Variants in ZNF385D observed in about 807,000 individuals in gnomAD.
ZNF385D encodes zinc finger protein 385D.
Under a neutral mutation model 35.8 loss-of-function variants are expected in ZNF385D, and 15 were observed. The ratio of observed to expected loss-of-function variants is 0.42; its 90% CI spans 0.28 to 0.64. The LOEUF is 0.64. Among genes scored for constraint, ZNF385D ranks in the 30% least tolerant of loss-of-function variants. The pLI, the probability that ZNF385D is intolerant of heterozygous loss-of-function variation, is 0.23. For synonymous variants in ZNF385D, 212 were observed against 186.8 expected (o/e 1.13, Z -1.10); for missense variants, 474 against 494.6 (o/e 0.96, Z 0.39).
At chr3:21,573,432 A>G (rs1230103741) in intron 2 of ZNF385D, among the ~76,000 whole-genome samples, 1 of 152,214 alleles carries the variant, frequency 6.6e-6, no homozygotes, top group East Asian at 1.9e-4. Flanking sequence ...CTTGGGAAAA[A>G]TGGAGAAAAA....
intron 1 of ZNF385D, among the ~76,000 whole-genome samples, chr3:21,720,798 T>A (rs2068508869): frequency 6.6e-6 from 1 of 152,196 alleles, no homozygotes; most frequent in East Asian, 1.9e-4. Flanking sequence ...TCCTCTGGCA[T>A]TTAATTTAAA....
chr3:21,689,460 C>G (rs1244039777), intron 1 of ZNF385D, among the ~76,000 whole-genome samples: 2 of 152,116 alleles, frequency 1.3e-5, no homozygotes, highest in Non-Finnish European at 2.9e-5. Context: ...TCTTTAGCAA[C>G]TTGAAAAGGG....
Position 22,308,597 on chromosome 3 carries a change from GAC to G in ZNF385D, c.106+63851_106+63852del, listed in dbSNP as rs1426420569. Among the ~76,000 whole-genome samples, 3 of 151,916 alleles carry G rather than the reference GAC, an allele frequency of 2.0e-5. No homozygotes were observed. In the East Asian group the frequency reaches 5.8e-4, roughly 29 times the overall value. Reference sequence around the variant, plus strand: ...ACATGGGCACTGCTCAGAAAGGGTAGACACACTGGTGAGGAGCCACAACAGAG... The same window carrying G: ...ACATGGGCACTGCTCAGAAAGGGTAGACACTGGTGAGGAGCCACAACAGAG... On this transcript the variant is annotated intron_variant, in intron 2 of 5. Transcript: ENST00000494108.
chr3:21,690,544 GC>G (rs1212828483), intron 1 of ZNF385D, among the ~76,000 whole-genome samples: 1 of 152,092 alleles, frequency 6.6e-6, no homozygotes, highest in Admixed American at 6.5e-5. Flanking sequence ...CTGACCTTCT[GC>G]TCATTTCCTC....
intron 3 of ZNF385D, among the ~76,000 whole-genome samples, chr3:21,899,913 C>A (rs577446472): frequency 1.3e-5 from 2 of 152,192 alleles, no homozygotes; most frequent in African/African-American, 4.8e-5. Flanking sequence ...AACTAATAAA[C>A]AGACCAGTTG....
chr3:22,134,257 T>C (rs1703970992), intron 3 of ZNF385D: 1 of 151,862 alleles, frequency 6.6e-6, no homozygotes, highest in Non-Finnish European at 1.5e-5. Context: ...AATACTGGAG[T>C]GTTATATTAA....
chr3:21,955,480 C>T (rs1011113757), intron 3 of ZNF385D, among the ~76,000 whole-genome samples: 2 of 152,126 alleles, frequency 1.3e-5, no homozygotes, highest in South Asian at 2.1e-4. Flanking sequence ...GAGGTGATTT[C>T]TTAAGCTTCT....
At chr3:21,951,553 G>A (rs1273338857) in intron 3 of ZNF385D, among the ~76,000 whole-genome samples, 4 of 151,366 alleles carry the variant, frequency 2.6e-5, no homozygotes, top group Admixed American at 2.6e-4. Flanking sequence ...TCTTCCTCTT[G>A]CCTGATTGCC....
At chr3:22,260,393 T>TGCAA (rs1456267477) in intron 2 of ZNF385D, among the ~76,000 whole-genome samples, 4 of 151,904 alleles carry the variant, frequency 2.6e-5, no homozygotes, top group Admixed American at 2.6e-4. Flanking sequence ...AAATACCTAA[T>TGCAA]GCAAGCAGGG....
chr3:21,768,583 G>T (rs1475577991), intron 3 of ZNF385D, among the ~76,000 whole-genome samples: 1 of 151,908 alleles, frequency 6.6e-6, no homozygotes, highest in Non-Finnish European at 1.5e-5. Flanking sequence ...CCTATGACAG[G>T]CAGCTGTGCA....
At chr3:21,977,090 T>G (rs1017297214) in intron 3 of ZNF385D, among the ~76,000 whole-genome samples, 2 of 152,176 alleles carry the variant, frequency 1.3e-5, no homozygotes, top group Admixed American at 1.3e-4. Flanking sequence ...AGAGTACGTG[T>G]TGCATGATGC....
intron 2 of ZNF385D, among the ~76,000 whole-genome samples, chr3:22,321,558 G>C (rs917876369): frequency 6.6e-6 from 1 of 151,756 alleles, no homozygotes; most frequent in Non-Finnish European, 1.5e-5. Context: ...GTAGAGGCAG[G>C]GTTTCACTGT....
At chr3:22,357,332 C>T (rs929836167) in intron 2 of ZNF385D, among the ~76,000 whole-genome samples, 3 of 151,702 alleles carry the variant, frequency 2.0e-5, no homozygotes, top group Non-Finnish European at 4.4e-5. Context: ...TCTCACAGAC[C>T]CTCTACTACT....
chr3:21,762,107 G>A (rs947253908), intron 3 of ZNF385D, among the ~76,000 whole-genome samples: 1 of 151,970 alleles, frequency 6.6e-6, no homozygotes, highest in Admixed American at 6.6e-5. Context: ...TCGATCTCCT[G>A]ACCTCGTGAT....
At chr3:22,106,240 C>A (rs1419002715) in intron 3 of ZNF385D, among the ~76,000 whole-genome samples, 1 of 152,118 alleles carries the variant, frequency 6.6e-6, no homozygotes, top group Non-Finnish European at 1.5e-5. Context: ...TCGACATAAT[C>A]AGGTTTTTCC....
At chr3:22,046,632 T>G (rs2125517844) in intron 3 of ZNF385D, among the ~76,000 whole-genome samples, 1 of 152,270 alleles carries the variant, frequency 6.6e-6, no homozygotes, top group African/African-American at 2.4e-5. Flanking sequence ...GCAAATATAT[T>G]GAGATTTATT....
intron 3 of ZNF385D, among the ~76,000 whole-genome samples, chr3:21,860,640 T>C (rs1040048572): frequency 1.3e-5 from 2 of 152,152 alleles, no homozygotes; most frequent in Admixed American, 6.6e-5. Flanking sequence ...AGCATGTCCA[T>C]TGTCAGGTTT....
At chr3:22,309,397 C>T (rs1045605571) in intron 2 of ZNF385D, among the ~76,000 whole-genome samples, 2 of 151,978 alleles carry the variant, frequency 1.3e-5, no homozygotes, top group Non-Finnish European at 2.9e-5. Flanking sequence ...TAAAATGTTT[C>T]TTGGATTTAA....
Position 21,633,921 on chromosome 3 carries a change from T to G in ZNF385D, c.165+30965A>C, listed in dbSNP as rs183287632. Among the ~76,000 whole-genome samples the G allele has an allele frequency of 6.6e-3, 999 of 152,066 alleles. 8 individuals carry two copies. The highest frequency in any genetic ancestry group is 0.023 in the African/African-American group (965 of 41,516). On this transcript the variant is annotated intron_variant, in intron 2 of 7. Transcript: ENST00000281523. Reference sequence around the variant, plus strand: ...TGGTTAAATAGAGGAAATGGCTGGGTACAGTGGCTCACATCTGTAATCCTA... The same window carrying G: ...TGGTTAAATAGAGGAAATGGCTGGGGACAGTGGCTCACATCTGTAATCCTA...
Sources: allele counts gnomAD v4.1 joint callset (sites outside exome capture counted in the v4.1 genomes callset), GRCh38; gene constraint gnomAD v4.1.1; transcripts MANE v1.5; gene names NCBI Gene and HGNC (gene_info 2026-07-23, HGNC 2026-07-21).